Variants in STXBP4 observed in about 807,000 individuals in gnomAD.
STXBP4 encodes the protein syntaxin binding protein 4, also known as syntaxin-binding protein 4.
STXBP4 carries 55 observed loss-of-function variants against 76.1 expected under a neutral mutation model. That is an observed-to-expected ratio of 0.72 (90% confidence interval 0.58 to 0.91). STXBP4 has a LOEUF of 0.91. STXBP4 is among the 40% of genes least tolerant of loss of function. The pLI is 0.00. For missense variants in STXBP4, 618 were observed against 636.9 expected, an observed-to-expected ratio of 0.97 and a Z score of 0.32; for synonymous variants, 201 against 220.2, an observed-to-expected ratio of 0.91 and a Z score of 0.77.
At chr17:54,990,770 A>G (rs2077702520) in intron 3 of STXBP4, 55 bp from the exon 4 acceptor site, 1 of 1,517,216 alleles carries the variant, frequency 6.6e-7, no homozygotes, top group South Asian at 1.4e-5. Context: ...TTTAAAGAAA[A>G]AAATAGGTGC....
the STXBP4 span, among the ~76,000 whole-genome samples, chr17:55,210,669 A>G: frequency 6.6e-6 from 1 of 152,246 alleles, no homozygotes; most frequent in Admixed American, 6.5e-5. Context: ...ATACACAGAT[A>G]TTGTGTATAC....
At chr17:55,099,718 C>T (rs1188065080) in intron 16 of STXBP4, among the ~76,000 whole-genome samples, 1 of 152,118 alleles carries the variant, frequency 6.6e-6, no homozygotes, top group Non-Finnish European at 1.5e-5. Context: ...ATTTATCAGG[C>T]ACTAAGAACA....
At chr17:55,122,759 G>C (rs1255225840) in intron 16 of STXBP4, among the ~76,000 whole-genome samples, 3 of 152,092 alleles carry the variant, frequency 2.0e-5, no homozygotes, top group Non-Finnish European at 4.4e-5. Flanking sequence ...TGTGCTAATG[G>C]ATGACTTCCA....
intron 8 of STXBP4, among the ~76,000 whole-genome samples, chr17:55,021,312 A>C (rs546874732): frequency 6.6e-6 from 1 of 152,126 alleles, no homozygotes; most frequent in Non-Finnish European, 1.5e-5. Flanking sequence ...GCTTGAAGCC[A>C]GGAGTTTGAG....
intron 12 of STXBP4, among the ~76,000 whole-genome samples, chr17:55,054,332 C>G (rs1277770219): frequency 6.6e-6 from 1 of 151,954 alleles, no homozygotes; most frequent in Non-Finnish European, 1.5e-5. Flanking sequence ...ACTAAAAATA[C>G]AAAAAAATTC....
At chr17:55,077,355 C>T (rs1181790535) in intron 13 of STXBP4, among the ~76,000 whole-genome samples, 1 of 152,156 alleles carries the variant, frequency 6.6e-6, no homozygotes, top group South Asian at 2.1e-4. Flanking sequence ...TTAGGCCACA[C>T]AGATAATGTA....
rs539964002 is a variant in STXBP4 at position 55,171,974 on chromosome 17, T to C, written c.*12063T>C. Reference sequence around the variant, plus strand: ...CTTTGGATAATAAAAACAGCAATAATTATAGTGTCATTACCCTGAGTGACT... The same window carrying C: ...CTTTGGATAATAAAAACAGCAATAACTATAGTGTCATTACCCTGAGTGACT... On this transcript the variant is annotated 3_prime_UTR_variant, in exon 18 of 18. Transcript: ENST00000376352. 1 of 152,252 alleles carries C rather than the reference T, an allele frequency of 6.6e-6. No homozygotes were observed. Among genetic ancestry groups the C allele is most frequent in the Non-Finnish European group, 1.5e-5 (1 of 68,070 alleles). 9.4% of individuals were successfully genotyped at this position (152,252 alleles called of 1,614,324 possible).
At chr17:54,992,513 C>A (rs1286037572) in intron 4 of STXBP4, among the ~76,000 whole-genome samples, 3 of 150,108 alleles carry the variant, frequency 2.0e-5, no homozygotes, top group African/African-American at 7.4e-5. Flanking sequence ...TAAATTTAAA[C>A]AAATTCAAAA....
At chr17:55,104,581 A>C (rs915008218) in intron 16 of STXBP4, among the ~76,000 whole-genome samples, 1 of 152,048 alleles carries the variant, frequency 6.6e-6, no homozygotes, top group African/African-American at 2.4e-5. Context: ...ATTGGCCTTA[A>C]ATTTTTTTGT....
chr17:55,061,592 C>G (rs762103884), intron 12 of STXBP4, among the ~76,000 whole-genome samples: 5 of 152,174 alleles, frequency 3.3e-5, no homozygotes, highest in Non-Finnish European at 5.9e-5. Flanking sequence ...CAAAAACCCT[C>G]TTTACTCAGA....
intron 17 of STXBP4, among the ~76,000 whole-genome samples, chr17:55,157,158 A>C (rs2080287495): frequency 6.6e-6 from 1 of 152,192 alleles, no homozygotes; most frequent in South Asian, 2.1e-4. Flanking sequence ...GGAGGAATTT[A>C]AATGATTTAA....
intron 16 of STXBP4, among the ~76,000 whole-genome samples, chr17:55,117,780 A>C (rs189254363): frequency 6.6e-6 from 1 of 152,018 alleles, no homozygotes; most frequent in Admixed American, 6.6e-5. Context: ...TCAGAGCATT[A>C]GTGTAAAACA....
chr17:55,133,899 A>C (rs1024999489), intron 16 of STXBP4, among the ~76,000 whole-genome samples: 4 of 152,344 alleles, frequency 2.6e-5, no homozygotes, highest in African/African-American at 9.6e-5. Flanking sequence ...AGACAAATCC[A>C]TTTTTGTAAG....
the STXBP4 span, among the ~76,000 whole-genome samples, chr17:55,192,014 A>G: frequency 6.6e-6 from 1 of 152,228 alleles, no homozygotes; most frequent in African/African-American, 2.4e-5. Flanking sequence ...TATAAAGGAT[A>G]TAACTCAAGA....
intron 9 of STXBP4, among the ~76,000 whole-genome samples, chr17:55,033,376 A>T (rs889970718): frequency 6.6e-6 from 1 of 152,050 alleles, no homozygotes; most frequent in African/African-American, 2.4e-5. Context: ...TCCATCTCAA[A>T]AAATAAATAA....
chr17:55,158,621 G>A (rs12936639), intron 17 of STXBP4, among the ~76,000 whole-genome samples: 31,440 of 152,108 alleles, frequency 0.21, 3,898 homozygotes, highest in Non-Finnish European at 0.29. Flanking sequence ...GCATGATTTC[G>A]TGATGTGTCA....
At chr17:55,130,457 A>G (rs1336127494) in intron 16 of STXBP4, among the ~76,000 whole-genome samples, 2 of 152,218 alleles carry the variant, frequency 1.3e-5, no homozygotes, top group Non-Finnish European at 2.9e-5. Context: ...CAGTATATAC[A>G]TACATTATGG....
chr17:55,028,688 A>C (rs2078456351), intron 8 of STXBP4, among the ~76,000 whole-genome samples: 1 of 152,214 alleles, frequency 6.6e-6, no homozygotes, highest in South Asian at 2.1e-4. Flanking sequence ...ACATATTTTA[A>C]ATAATTTGTG....
chr17:55,080,739 A>G (rs1239321357), intron 15 of STXBP4, among the ~76,000 whole-genome samples: 1 of 152,118 alleles, frequency 6.6e-6, no homozygotes, highest in African/African-American at 2.4e-5. Flanking sequence ...AAATTATATC[A>G]TGTTAGCAAA....
Sources: gnomAD v4.1 joint callset for allele counts (sites outside exome capture counted in the v4.1 genomes callset) on GRCh38, gnomAD v4.1.1 for gene constraint, MANE v1.5 for transcripts, NCBI Gene and HGNC (gene_info 2026-07-23, HGNC 2026-07-21) for gene names.